ADAMTS6: variants seen among roughly 807,000 people sequenced by gnomAD.
ADAMTS6 encodes the protein A disintegrin and metalloproteinase with thrombospondin motifs 6.
A neutral mutation model predicts 144.3 loss-of-function variants in ADAMTS6; 23 were observed. The ratio of observed to expected loss-of-function variants is 0.16; its 90% CI spans 0.11 to 0.23. The LOEUF is 0.23. ADAMTS6 is among the 10% of genes least tolerant of loss of function. The pLI, the probability that ADAMTS6 is intolerant of heterozygous loss-of-function variation, is 1.00. For synonymous variants in ADAMTS6, 444 were observed against 457.5 expected (o/e 0.97, Z 0.38); for missense variants, 999 against 1,379.6 (o/e 0.72, Z 4.37).
intron 24 of ADAMTS6, among the ~76,000 whole-genome samples, chr5:65,155,632 G>C (rs1324673576): frequency 6.6e-6 from 1 of 152,080 alleles, no homozygotes; most frequent in African/African-American, 2.4e-5. Context: ...GCTTTATATA[G>C]ACAGCAAAAC....
chr5:65,390,636 C>A (rs1752835795), intron 7 of ADAMTS6, among the ~76,000 whole-genome samples: 1 of 152,160 alleles, frequency 6.6e-6, no homozygotes, highest in Non-Finnish European at 1.5e-5. Flanking sequence ...TTTTTTCATA[C>A]TGTACATGTG....
intron 14 of ADAMTS6, among the ~76,000 whole-genome samples, chr5:65,256,985 CTTTTTT>C (rs545846781): frequency 2.6e-4 from 23 of 88,674 alleles, no homozygotes; most frequent in Non-Finnish European, 4.3e-4. Context: ...CTCTCTCTCT[CTTTTTT>C]TTTTTTTTTT....
At chr5:65,333,996 T>G (rs75952147) in intron 8 of ADAMTS6, 46 bp downstream of exon 8, 1 of 872,610 alleles carries the variant, frequency 1.1e-6, no homozygotes, top group African/African-American at 3.1e-5. Context: ...TCTACCTTTA[T>G]TAAAAAAAAA....
intron 11 of ADAMTS6, among the ~76,000 whole-genome samples, chr5:65,282,331 G>A (rs1030182787): frequency 6.6e-6 from 1 of 152,044 alleles, no homozygotes; most frequent in Non-Finnish European, 1.5e-5. Flanking sequence ...CTAAAGACCT[G>A]GAATCAATAG....
rs576418246 is a variant in ADAMTS6 at position 65,162,862 on chromosome 5, G to T, written c.3244+7755C>A. On this transcript the variant is annotated intron_variant, in intron 24 of 24. Transcript: ENST00000381055. ...TATTGCTAACTTACAATGGATAAAA[G>T]AAATCATTTGCTGGAGTCTTACAGA... Among the ~76,000 whole-genome samples, 32 of 152,226 alleles carry T rather than the reference G, an allele frequency of 2.1e-4. 1 individual carries two copies. The highest frequency in any genetic ancestry group is 1.8e-3 in the Admixed American group (27 of 15,292).
intron 7 of ADAMTS6, among the ~76,000 whole-genome samples, chr5:65,338,796 C>T (rs779702216): frequency 3.3e-5 from 5 of 152,232 alleles, no homozygotes; most frequent in African/African-American, 1.2e-4. Context: ...CTGGCAAACA[C>T]GCCCTAGGCT....
intron 14 of ADAMTS6, chr5:65,251,086 T>G (rs1405559368): frequency 6.6e-6 from 1 of 152,198 alleles, no homozygotes; most frequent in Non-Finnish European, 1.5e-5. Flanking sequence ...GTAGTCAGTG[T>G]TCTTTAGGCC....
intron 21 of ADAMTS6, among the ~76,000 whole-genome samples, chr5:65,193,930 A>G (rs1255354638): frequency 6.6e-6 from 1 of 152,200 alleles, no homozygotes; most frequent in Non-Finnish European, 1.5e-5. Flanking sequence ...AAAGTGTCAT[A>G]AGTAGTGTAA....
chr5:65,330,362 T>G (rs1413888445), intron 8 of ADAMTS6, among the ~76,000 whole-genome samples: 1 of 152,108 alleles, frequency 6.6e-6, no homozygotes, highest in Non-Finnish European at 1.5e-5. Context: ...TCATCTCTTA[T>G]AAGGAAACAG....
intron 7 of ADAMTS6, among the ~76,000 whole-genome samples, chr5:65,437,712 T>C (rs1757551575): frequency 6.6e-6 from 1 of 152,246 alleles, no homozygotes; most frequent in African/African-American, 2.4e-5. Flanking sequence ...GTAGTATTTG[T>C]GCATCTTCTT....
intron 7 of ADAMTS6, among the ~76,000 whole-genome samples, chr5:65,398,986 G>A (rs1002174422): frequency 6.6e-6 from 1 of 152,120 alleles, no homozygotes. Context: ...GGCTGGGTGC[G>A]GTGGCTCATG....
At chr5:65,479,011 C>T (rs983774357) in intron 1 of ADAMTS6, among the ~76,000 whole-genome samples, 2 of 152,042 alleles carry the variant, frequency 1.3e-5, no homozygotes, top group Non-Finnish European at 2.9e-5. Context: ...CTCAAGTGAT[C>T]GGGGAGTAGC....
chr5:65,355,568 C>G (rs1749239947), intron 7 of ADAMTS6, among the ~76,000 whole-genome samples: 1 of 151,788 alleles, frequency 6.6e-6, no homozygotes, highest in Admixed American at 6.6e-5. Flanking sequence ...ATCTTTAGCC[C>G]GTCATGGCAC....
At chr5:65,329,281 G>A in intron 9 of ADAMTS6, 97 bp downstream of exon 9, 1 of 1,047,150 alleles carries the variant, frequency 9.5e-7, no homozygotes, top group Non-Finnish European at 1.4e-6. Context: ...CAAAAAGGTA[G>A]TAAAATAAGG....
intron 9 of ADAMTS6, among the ~76,000 whole-genome samples, chr5:65,318,320 G>A (rs538338414): frequency 6.6e-6 from 1 of 152,080 alleles, no homozygotes; most frequent in Non-Finnish European, 1.5e-5. Flanking sequence ...GAACAGTTTG[G>A]AGGTTCCTCA....
chr5:65,152,093 T>G, intron 24 of ADAMTS6, 148 bp from the exon 25 acceptor site: 1 of 579,300 alleles, frequency 1.7e-6, no homozygotes, highest in South Asian at 2.4e-5. Context: ...TTTTTGTTTT[T>G]AAGCATACCC....
At chr5:65,244,346 A>G (rs1401660788) in intron 14 of ADAMTS6, among the ~76,000 whole-genome samples, 1 of 152,160 alleles carries the variant, frequency 6.6e-6, no homozygotes, top group East Asian at 1.9e-4. Context: ...CTTGAATTAA[A>G]AAACTAAGAC....
intron 7 of ADAMTS6, among the ~76,000 whole-genome samples, chr5:65,403,499 T>G (rs1466948352): frequency 1.3e-5 from 2 of 152,110 alleles, no homozygotes; most frequent in African/African-American, 4.8e-5. Flanking sequence ...CTCCAGCATG[T>G]TTTCCCCTAT....
At chr5:65,226,941 G>A (rs1026769667) in intron 15 of ADAMTS6, among the ~76,000 whole-genome samples, 1 of 152,170 alleles carries the variant, frequency 6.6e-6, no homozygotes, top group South Asian at 2.1e-4. Flanking sequence ...CTAACAAACA[G>A]AAGTTTCTGC....
Sources: allele counts gnomAD v4.1 joint callset (sites outside exome capture counted in the v4.1 genomes callset), GRCh38; gene constraint gnomAD v4.1.1; transcripts MANE v1.5; gene names NCBI Gene and HGNC (gene_info 2026-07-23, HGNC 2026-07-21).